TEX36: variants seen among roughly 807,000 people sequenced by gnomAD.
TEX36 encodes the protein testis expressed 36.
In TEX36, 12 loss-of-function variants were observed where a neutral mutation model predicts 13.6. That is an observed-to-expected ratio of 0.88 (90% confidence interval 0.56 to 1.43). The LOEUF (loss-of-function observed/expected upper bound fraction) is 1.43, where lower values mean the gene tolerates loss of function less well. Among genes scored for constraint, TEX36 ranks in the 40% most tolerant of loss-of-function variants. The probability of loss-of-function intolerance (pLI) is 0.00; values close to 1 mark genes in which losing one functional copy is unlikely to be tolerated. For synonymous variants in TEX36, 93 were observed against 83.0 expected (o/e 1.12, Z -0.65); for missense variants, 224 against 228.3 (o/e 0.98, Z 0.12).
intron 3 of TEX36, among the ~76,000 whole-genome samples, chr10:125,589,875 A>G (rs1846001219): frequency 6.6e-6 from 1 of 152,232 alleles, no homozygotes; most frequent in African/African-American, 2.4e-5. Context: ...GTGTACGCTC[A>G]TCTTCTCAAG....
At chr10:125,606,337 C>A (rs940770510) in intron 3 of TEX36, among the ~76,000 whole-genome samples, 3 of 152,226 alleles carry the variant, frequency 2.0e-5, no homozygotes, top group African/African-American at 7.2e-5. Flanking sequence ...GGTAATTATA[C>A]TTTGTGTATT....
At chr10:125,632,898 T>C (rs976447902) in intron 3 of TEX36, among the ~76,000 whole-genome samples, 4 of 152,110 alleles carry the variant, frequency 2.6e-5, no homozygotes, top group Non-Finnish European at 4.4e-5. Flanking sequence ...CCAAGGCAGG[T>C]GGATCATTTG....
chr10:125,638,668 AAG>A (rs370716219), intron 3 of TEX36, among the ~76,000 whole-genome samples: 406 of 152,336 alleles, frequency 2.7e-3, no homozygotes, highest in African/African-American at 7.6e-3. Context: ...GTCCTGAGCT[AAG>A]CCACCGTGCC....
At chr10:125,639,566 G>C (rs1846658569) in intron 3 of TEX36, among the ~76,000 whole-genome samples, 1 of 150,768 alleles carries the variant, frequency 6.6e-6, no homozygotes, top group South Asian at 2.1e-4. Flanking sequence ...ATGATACTGT[G>C]GCTACATCAC....
chr10:125,619,547 T>TTTTG (rs1026494443), downstream of TEX36, among the ~76,000 whole-genome samples: 5 of 152,212 alleles, frequency 3.3e-5, no homozygotes, highest in East Asian at 1.9e-4. Context: ...GTAATTTGTT[T>TTTTG]TTTGTTTGTT....
intron 3 of TEX36, among the ~76,000 whole-genome samples, chr10:125,631,385 C>T (rs546118180): frequency 3.5e-4 from 54 of 152,310 alleles, no homozygotes; most frequent in South Asian, 1.5e-3. Context: ...AGCCACACAC[C>T]TTCGGGGTGG....
chr10:125,634,565 A>G (rs868106214), intron 3 of TEX36, among the ~76,000 whole-genome samples: 5 of 152,238 alleles, frequency 3.3e-5, no homozygotes, highest in Non-Finnish European at 7.3e-5. Flanking sequence ...CTATCTTCTC[A>G]GAAGAAAAAC....
At chr10:125,597,162 T>G (rs2133538386) in intron 3 of TEX36, among the ~76,000 whole-genome samples, 1 of 152,266 alleles carries the variant, frequency 6.6e-6, no homozygotes, top group Non-Finnish European at 1.5e-5. Context: ...TACCCAATGT[T>G]GTAGTCCATC....
chr10:125,642,215 C>T (rs924937190), intron 3 of TEX36, among the ~76,000 whole-genome samples: 4 of 152,156 alleles, frequency 2.6e-5, no homozygotes, highest in African/African-American at 9.7e-5. Flanking sequence ...TGGTGGAGAA[C>T]AAAGCTCCTA....
intron 3 of TEX36, among the ~76,000 whole-genome samples, chr10:125,645,696 C>T (rs1278969059): frequency 1.3e-5 from 2 of 151,986 alleles, no homozygotes; most frequent in Non-Finnish European, 2.9e-5. Flanking sequence ...TTCTATTTTA[C>T]CAGAGTTATG....
intron 3 of TEX36, among the ~76,000 whole-genome samples, chr10:125,591,437 C>A (rs572804577): frequency 1.3e-5 from 2 of 152,288 alleles, no homozygotes; most frequent in East Asian, 3.9e-4. Context: ...GGCCCCCAGG[C>A]TGTGTGGATT....
intron 3 of TEX36, among the ~76,000 whole-genome samples, chr10:125,630,419 G>C (rs987077464): frequency 2.0e-5 from 3 of 152,166 alleles, no homozygotes; most frequent in African/African-American, 7.2e-5. Flanking sequence ...CGTGTGGGCT[G>C]TTCATGTGGG....
At chr10:125,658,953 C>T (rs1356226358) in intron 3 of TEX36, among the ~76,000 whole-genome samples, 1 of 151,866 alleles carries the variant, frequency 6.6e-6, no homozygotes, top group Non-Finnish European at 1.5e-5. Context: ...CAACTGAAAA[C>T]AAATTTTAAG....
downstream of TEX36, among the ~76,000 whole-genome samples, chr10:125,620,172 C>T (rs297256): frequency 0.45 from 68,985 of 151,992 alleles, 19,252 homozygotes; most frequent in African/African-American, 0.8. Flanking sequence ...TGAACATTTA[C>T]AGGGCTGCTG....
intron 3 of TEX36, among the ~76,000 whole-genome samples, chr10:125,608,392 A>G (rs902623927): frequency 1.3e-5 from 2 of 152,256 alleles, no homozygotes; most frequent in African/African-American, 4.8e-5. Flanking sequence ...GACTGTTACA[A>G]TTAAACAAAA....
At chr10:125,599,472 T>G (rs556211176) in intron 3 of TEX36, among the ~76,000 whole-genome samples, 40 of 152,366 alleles carry the variant, frequency 2.6e-4, no homozygotes, top group African/African-American at 9.4e-4. Flanking sequence ...CTTTTGGTTT[T>G]GTTTTTCTGC....
chr10:125,655,670 G>A (rs1301613741), downstream of TEX36: 4 of 1,223,696 alleles, frequency 3.3e-6, no homozygotes, highest in Non-Finnish European at 4.1e-6. Context: ...TATTAAGGAT[G>A]TACTTTTTAA....
chr10:125,595,714 T>C (rs1432459126), intron 3 of TEX36, among the ~76,000 whole-genome samples: 1 of 152,204 alleles, frequency 6.6e-6, no homozygotes, highest in Non-Finnish European at 1.5e-5. Context: ...CCCGCCTTTC[T>C]TGAGCCTCTG....
intron 3 of TEX36, among the ~76,000 whole-genome samples, chr10:125,608,178 G>C (rs1846238165): frequency 6.6e-6 from 1 of 152,164 alleles, no homozygotes; most frequent in South Asian, 2.1e-4. Flanking sequence ...AAAGAGAAAG[G>C]AGGATGTGGG....
Sources: allele counts gnomAD v4.1 joint callset (sites outside exome capture counted in the v4.1 genomes callset), GRCh38; gene constraint gnomAD v4.1.1; transcripts MANE v1.5; gene names NCBI Gene and HGNC (gene_info 2026-07-23, HGNC 2026-07-21).